The following ALK variants were observed in gnomAD, a reference collection of about 807,000 sequenced individuals.
ALK encodes ALK receptor tyrosine kinase, also known as ALK tyrosine kinase receptor.
ALK carries 74 observed loss-of-function variants against 163.1 expected under a neutral mutation model. That is an observed-to-expected ratio of 0.45 (90% CI 0.38 to 0.55). ALK has a LOEUF of 0.55. ALK is among the 20% of genes least tolerant of loss of function. The probability of loss-of-function intolerance (pLI) is 0.00; values close to 1 mark genes in which losing one functional copy is unlikely to be tolerated. For missense variants in ALK, 2,063 were observed against 2,105.3 expected (o/e 0.98, Z 0.39); for synonymous variants, 960 against 843.2 (o/e 1.14, Z -2.40).
At chr2:29,786,922 A>C (rs1298133438) in intron 1 of ALK, among the ~76,000 whole-genome samples, 1 of 152,138 alleles carries the variant, frequency 6.6e-6, no homozygotes, top group Non-Finnish European at 1.5e-5. Flanking sequence ...CAGCCTCCCG[A>C]GTAGCTGGGA....
intron 1 of ALK, among the ~76,000 whole-genome samples, chr2:29,744,175 A>C (rs1680141806): frequency 6.6e-6 from 1 of 152,180 alleles, no homozygotes; most frequent in African/African-American, 2.4e-5. Flanking sequence ...ACACAGGAGG[A>C]AACTGAGGCC....
intron 26 of ALK, among the ~76,000 whole-genome samples, chr2:29,202,235 C>G (rs1669199842): frequency 6.6e-6 from 1 of 152,206 alleles, no homozygotes; most frequent in Non-Finnish European, 1.5e-5. Context: ...AAGGCCTGCC[C>G]TTTCTTTCAG....
Position 29,291,603 on chromosome 2 carries a change from T to G in ALK, c.1817+5285A>C, listed in dbSNP as rs2339466. ...AAGGATGAAATTAGATAATGCATGT[T>G]AAGTACTTGTTACATGACTGGCAGG... On this transcript the variant is annotated intron_variant, in intron 9 of 28. Transcript: ENST00000389048. Among the ~76,000 whole-genome samples, 269 of 152,318 alleles carry G rather than the reference T, an allele frequency of 1.8e-3. 2 individuals are homozygous for G. The highest frequency in any genetic ancestry group is 6.2e-3 in the African/African-American group (258 of 41,580).
chr2:29,374,424 C>T (rs1668706471), intron 5 of ALK, among the ~76,000 whole-genome samples: 1 of 149,628 alleles, frequency 6.7e-6, no homozygotes, highest in African/African-American at 2.5e-5. Flanking sequence ...TTATTGAGTG[C>T]TTGCCATGAA....
rs1672879628 is a variant in ALK, at chr2:29,523,858, G to GTC, written c.1154+8056_1154+8057insGA. Among the ~76,000 whole-genome samples, 8 of 110,950 alleles carry GTC rather than the reference G, an allele frequency of 7.2e-5. 1 individual carries two copies. The highest frequency in any genetic ancestry group is 7.0e-5 in the Non-Finnish European group (4 of 56,738). 72.8% of individuals were successfully genotyped at this position (110,950 alleles called of 152,430 possible). On this transcript the variant is annotated intron_variant, in intron 4 of 28. Coordinates refer to ENST00000389048, the MANE Select transcript of ALK (RefSeq NM_004304.5). ...AGGTCAGAACTGGCAGAAGCTGAAG[G>GTC]TTTTTTTTTTTTTTTTTTTTTTTTT...
intron 3 of ALK, among the ~76,000 whole-genome samples, chr2:29,599,982 A>AC (rs1675337990): frequency 6.6e-6 from 1 of 152,100 alleles, no homozygotes; most frequent in Admixed American, 6.5e-5. Flanking sequence ...TGATGTGATT[A>AC]CCCATGGCGA....
intron 4 of ALK, among the ~76,000 whole-genome samples, chr2:29,395,510 G>C (rs1395368766): frequency 6.6e-6 from 1 of 152,212 alleles, no homozygotes; most frequent in African/African-American, 2.4e-5. Flanking sequence ...TGGCACCTTA[G>C]CATGATGGGG....
intron 1 of ALK, among the ~76,000 whole-genome samples, chr2:29,910,561 T>C (rs1257425877): frequency 1.3e-5 from 2 of 152,114 alleles, no homozygotes; most frequent in African/African-American, 4.8e-5. Flanking sequence ...ATCAAATTTC[T>C]AAAATCCTAT....
At chr2:29,201,513 C>T (rs562845014) in intron 26 of ALK, among the ~76,000 whole-genome samples, 3 of 152,114 alleles carry the variant, frequency 2.0e-5, no homozygotes, top group Non-Finnish European at 1.5e-5. Flanking sequence ...TGAGGCCGGG[C>T]GCTGTGGCTC....
In ALK at chr2:29,335,502, A is replaced by G. The variant is rs1262384168; in HGVS notation, c.1283-7021T>C. ...AATGATTTTTAGACAACAAAGAACT[A>G]CAGAAGGTAACCAGTGACTTACTGG... On this transcript the variant is annotated intron_variant, in intron 5 of 28. Transcript: ENST00000389048. Among the ~76,000 whole-genome samples, 4 of 152,308 alleles carry G rather than the reference A, an allele frequency of 2.6e-5. No homozygotes were observed. The South Asian group carries it at 8.3e-4, about 32-fold the overall frequency.
chr2:29,298,899 C>T (rs1203916869), intron 8 of ALK, among the ~76,000 whole-genome samples: 1 of 152,320 alleles, frequency 6.6e-6, no homozygotes. Flanking sequence ...CTCCTTTCCC[C>T]AGCATCTCAG....
intron 3 of ALK, among the ~76,000 whole-genome samples, chr2:29,591,430 A>G (rs1157148665): frequency 1.3e-5 from 2 of 152,208 alleles, no homozygotes; most frequent in Non-Finnish European, 2.9e-5. Context: ...AAGCACCGAA[A>G]GCAAGACAGA....
intron 1 of ALK, among the ~76,000 whole-genome samples, chr2:29,767,523 T>C (rs868282428): frequency 2.0e-5 from 3 of 152,246 alleles, no homozygotes; most frequent in Non-Finnish European, 2.9e-5. Flanking sequence ...GCTCCTGGCA[T>C]AGTGCTCTTT....
intron 3 of ALK, among the ~76,000 whole-genome samples, chr2:29,619,160 A>G (rs1675952034): frequency 6.6e-6 from 1 of 152,228 alleles, no homozygotes; most frequent in African/African-American, 2.4e-5. Flanking sequence ...AATAGTACCA[A>G]GTAACTGATC....
chr2:29,212,577 T>C (rs538631021), intron 24 of ALK, among the ~76,000 whole-genome samples: 2 of 152,276 alleles, frequency 1.3e-5, no homozygotes, highest in East Asian at 1.9e-4. Context: ...CTTCTGAGAG[T>C]TGACTGCCTC....
At chr2:29,877,560 A>T (rs1289116193) in intron 1 of ALK, among the ~76,000 whole-genome samples, 2 of 152,212 alleles carry the variant, frequency 1.3e-5, no homozygotes, top group African/African-American at 4.8e-5. Flanking sequence ...ATCACATAGT[A>T]GGTATTAAGT....
chr2:29,919,979 C>A lies in ALK; in HGVS notation c.667+14G>T, dbSNP rs781586901. 4.0e-5 allele frequency: 64 copies of A among 1,612,208 alleles called. No homozygotes were observed. The highest frequency in any genetic ancestry group is 5.2e-5 in the Non-Finnish European group (61 of 1,178,694). ...AACACTAAATCCCGGCACACTCAGG[C>A]GGGAGCTGCTCACCAGTCCCGAAGA... On this transcript the variant is annotated intron_variant, in intron 1 of 28. Transcript: ENST00000389048.
At chr2:29,495,375 G>A (rs1386304356) in intron 4 of ALK, among the ~76,000 whole-genome samples, 1 of 152,146 alleles carries the variant, frequency 6.6e-6, no homozygotes. Context: ...GGCACTGCAC[G>A]GTATGTTCCC....
intron 1 of ALK, among the ~76,000 whole-genome samples, chr2:29,834,579 A>G (rs1188625705): frequency 6.6e-6 from 1 of 152,220 alleles, no homozygotes; most frequent in African/African-American, 2.4e-5. Context: ...TATAATAGAC[A>G]TTTTATCAGC....
Sources: gnomAD v4.1 joint callset for allele counts (sites outside exome capture counted in the v4.1 genomes callset) on GRCh38, gnomAD v4.1.1 for gene constraint, MANE v1.5 for transcripts, NCBI Gene and HGNC (gene_info 2026-07-23, HGNC 2026-07-21) for gene names.